Variants in TMPRSS11F observed in about 807,000 individuals in gnomAD.
TMPRSS11F encodes the protein transmembrane serine protease 11F.
TMPRSS11F carries 47 observed loss-of-function variants against 60.2 expected under a neutral mutation model. The observed-to-expected ratio is 0.78, with a 90% CI of 0.62 to 1.00. The LOEUF (loss-of-function observed/expected upper bound fraction) is 1.00, where lower values mean the gene tolerates loss of function less well. Among genes scored for constraint, TMPRSS11F ranks in the 50% least tolerant of loss-of-function variants. The pLI is 0.00. For synonymous variants in TMPRSS11F, 166 were observed against 167.3 expected, an observed-to-expected ratio of 0.99 and a Z score of 0.06; for missense variants, 519 against 522.9, an observed-to-expected ratio of 0.99 and a Z score of 0.07.
chr4:68,060,257 C>T (rs1264267284), intron 8 of TMPRSS11F, among the ~76,000 whole-genome samples: 3 of 151,350 alleles, frequency 2.0e-5, no homozygotes, highest in Non-Finnish European at 2.9e-5. Context: ...CCTGTAATCC[C>T]AGTACTTTGG....
intron 8 of TMPRSS11F, 97 bp from the exon 9 acceptor site, chr4:68,059,565 A>G (rs2109828364): frequency 1.6e-6 from 2 of 1,227,076 alleles, no homozygotes; most frequent in Middle Eastern, 2.0e-4. Context: ...CAAAAGCCAA[A>G]GATTATTTTA....
intron 8 of TMPRSS11F, chr4:68,062,466 A>G (rs1723204712): frequency 4.5e-6 from 3 of 665,668 alleles, no homozygotes; most frequent in Non-Finnish European, 8.6e-6. Flanking sequence ...AGCTCTTCCA[A>G]TGGCGACTTG....
intron 7 of TMPRSS11F, among the ~76,000 whole-genome samples, chr4:68,067,823 G>A (rs1723362860): frequency 6.6e-6 from 1 of 152,200 alleles, no homozygotes; most frequent in African/African-American, 2.4e-5. Flanking sequence ...GGTGCAGGGT[G>A]CAGAAGTAGT....
chr4:68,063,038 CA>C, intron 8 of TMPRSS11F: 1 of 665,978 alleles, frequency 1.5e-6, no homozygotes, highest in Non-Finnish European at 2.9e-6. Context: ...TTGGGAGTCA[CA>C]GACACATTTT....
intron 1 of TMPRSS11F, among the ~76,000 whole-genome samples, chr4:68,112,263 C>T (rs543179682): frequency 3.3e-5 from 5 of 152,092 alleles, no homozygotes; most frequent in Admixed American, 1.3e-4. Context: ...CTTAACTGAT[C>T]GTGCTCAAGC....
intron 1 of TMPRSS11F, among the ~76,000 whole-genome samples, chr4:68,113,575 A>G (rs1724454626): frequency 6.6e-6 from 1 of 152,210 alleles, no homozygotes; most frequent in Non-Finnish European, 1.5e-5. Context: ...ATTCATCAAC[A>G]TAACAAATGT....
intron 8 of TMPRSS11F, chr4:68,063,373 CTGTTTT>C (rs974096086): frequency 1.5e-5 from 6 of 404,108 alleles, no homozygotes; most frequent in African/African-American, 4.2e-5. Context: ...TTTTTGTTTT[CTGTTTT>C]TGTTTTTGTT....
chr4:68,079,000 C>T (rs2109852990), intron 3 of TMPRSS11F, among the ~76,000 whole-genome samples: 1 of 148,418 alleles, frequency 6.7e-6, no homozygotes, highest in African/African-American at 2.4e-5. Context: ...TCAATTCAAA[C>T]TAAAATGTGA....
intron 1 of TMPRSS11F, among the ~76,000 whole-genome samples, chr4:68,115,120 C>T (rs908444321): frequency 4.0e-5 from 6 of 151,178 alleles, no homozygotes; most frequent in East Asian, 3.9e-4. Context: ...GAGGCCGATG[C>T]GGGCAGATCA....
At chr4:68,118,123 A>T (rs970147232) in intron 1 of TMPRSS11F, among the ~76,000 whole-genome samples, 1 of 152,178 alleles carries the variant, frequency 6.6e-6, no homozygotes, top group African/African-American at 2.4e-5. Context: ...CCAGGGTCTC[A>T]TATCACACAT....
chr4:68,070,757 T>C (rs552789309), intron 5 of TMPRSS11F, among the ~76,000 whole-genome samples: 1 of 152,354 alleles, frequency 6.6e-6, no homozygotes, highest in Admixed American at 6.5e-5. Context: ...TAGTGATTGG[T>C]TTTCTGTTTG....
intron 1 of TMPRSS11F, among the ~76,000 whole-genome samples, chr4:68,117,914 G>GA (rs1724559072): frequency 6.6e-6 from 1 of 152,140 alleles, no homozygotes; most frequent in African/African-American, 2.4e-5. Context: ...AGATAGTTGG[G>GA]AAATTGTTGA....
intron 3 of TMPRSS11F, chr4:68,077,561 CTG>C (rs1723610991): frequency 6.6e-6 from 1 of 152,200 alleles, no homozygotes; most frequent in Admixed American, 6.5e-5. Context: ...CAGGAAGATG[CTG>C]TCAGTATTGA....
At chr4:68,124,811 T>G (rs115827893) in intron 1 of TMPRSS11F, among the ~76,000 whole-genome samples, 2,584 of 152,218 alleles carry the variant, frequency 0.017, 28 homozygotes, top group Non-Finnish European at 0.028. Context: ...CACCCTACAC[T>G]CCGTTTCGCA....
chr4:68,102,442 G>A (rs991000318), intron 1 of TMPRSS11F, among the ~76,000 whole-genome samples: 1 of 152,090 alleles, frequency 6.6e-6, no homozygotes, highest in African/African-American at 2.4e-5. Flanking sequence ...CAGCAACACT[G>A]TCCTAGGTTC....
chr4:68,086,918 T>C (rs1172608808), intron 3 of TMPRSS11F, among the ~76,000 whole-genome samples: 1 of 152,042 alleles, frequency 6.6e-6, no homozygotes, highest in Non-Finnish European at 1.5e-5. Flanking sequence ...ACCAGATGAA[T>C]TCACAGCCAA....
intron 9 of TMPRSS11F, 47 bp from the exon 10 acceptor site, chr4:68,054,114 T>C (rs775377602): frequency 3.2e-6 from 5 of 1,557,294 alleles, no homozygotes; most frequent in African/African-American, 1.4e-5. Flanking sequence ...TTTAATTCAG[T>C]GGGAAGGTAT....
At chr4:68,095,018 A>T (rs762791912) in intron 2 of TMPRSS11F, among the ~76,000 whole-genome samples, 1 of 152,084 alleles carries the variant, frequency 6.6e-6, no homozygotes, top group Admixed American at 6.6e-5. Context: ...GACAACTGGC[A>T]AATTCAGTGT....
chr4:68,116,349 C>T (rs1218933859), intron 1 of TMPRSS11F, among the ~76,000 whole-genome samples: 1 of 151,962 alleles, frequency 6.6e-6, no homozygotes, highest in East Asian at 1.9e-4. Flanking sequence ...TTAAAAAATG[C>T]ACAGATAAAT....
Sources: gnomAD v4.1 joint callset for allele counts (sites outside exome capture counted in the v4.1 genomes callset) on GRCh38, gnomAD v4.1.1 for gene constraint, MANE v1.5 for transcripts, NCBI Gene and HGNC (gene_info 2026-07-23, HGNC 2026-07-21) for gene names.